The following GPC5 variants were observed in gnomAD, a reference collection of about 807,000 sequenced individuals.
The protein encoded by GPC5 is glypican 5.
GPC5 carries 47 observed loss-of-function variants against 53.9 expected under a neutral mutation model. That is an observed-to-expected ratio of 0.87 (90% CI 0.69 to 1.11). The LOEUF is 1.11. Among genes scored for constraint, GPC5 ranks in the 50% most tolerant of loss-of-function variants. The pLI, the probability that GPC5 is intolerant of heterozygous loss-of-function variation, is 0.00. For synonymous variants in GPC5, 286 were observed against 263.3 expected (o/e 1.09, Z -0.84); for missense variants, 748 against 713.1 (o/e 1.05, Z -0.56).
chr13:92,251,444 G>A (rs1420451508), intron 7 of GPC5, among the ~76,000 whole-genome samples: 8 of 152,062 alleles, frequency 5.3e-5, no homozygotes, highest in Non-Finnish European at 1.2e-4. Flanking sequence ...AGAAGATGCT[G>A]GGGTTTGTGG....
At chr13:91,473,825 T>C (rs1217150520) in intron 2 of GPC5, among the ~76,000 whole-genome samples, 1 of 152,184 alleles carries the variant, frequency 6.6e-6, no homozygotes, top group African/African-American at 2.4e-5. Flanking sequence ...GGAAAAATAG[T>C]GTTTTTCTTC....
intron 7 of GPC5, among the ~76,000 whole-genome samples, chr13:92,301,031 A>T (rs1021628198): frequency 2.6e-5 from 4 of 152,234 alleles, no homozygotes; most frequent in Non-Finnish European, 2.9e-5. Context: ...CTCCTATTGA[A>T]GTAACAGAGT....
At chr13:92,679,930 G>A (rs1330506982) in intron 7 of GPC5, among the ~76,000 whole-genome samples, 3 of 118,602 alleles carry the variant, frequency 2.5e-5, no homozygotes, top group African/African-American at 3.4e-5. Flanking sequence ...GAACACTTTA[G>A]TGACCTCCAT....
chr13:91,685,104 C>T lies in GPC5; in HGVS notation c.326-8083C>T, dbSNP rs193249941. On this transcript the variant is annotated intron_variant, in intron 2 of 7. Coordinates refer to ENST00000377067, the MANE Select transcript of GPC5 (RefSeq NM_004466.6). ...AAATGGCCAATCTCAGCCTGGGCAA[C>T]GTAGAGACACTGTCTCTACAAACAA... Among the ~76,000 whole-genome samples, 13 of 152,080 alleles carry T rather than the reference C, an allele frequency of 8.5e-5. No homozygotes were observed. In the East Asian group the frequency reaches 1.7e-3, roughly 20 times the overall value.
At position 92,043,305 on chromosome 13, in the gene GPC5, G is replaced by A. The variant is rs541251025; in HGVS notation, c.1402-101525G>A. Reference sequence around the variant, plus strand: ...TTGGGATGAGTTAGTATTGTTGTGTGTTATTCTCCAGCCACTTTCAGATAC... The same window carrying A: ...TTGGGATGAGTTAGTATTGTTGTGTATTATTCTCCAGCCACTTTCAGATAC... On this transcript the variant is annotated intron_variant, in intron 6 of 7. Coordinates refer to ENST00000377067, the MANE Select transcript of GPC5 (RefSeq NM_004466.6). 1.0e-3 allele frequency among the ~76,000 whole-genome samples: 152 copies of A among 152,276 alleles called. 1 individual carries two copies. In the Middle Eastern group the frequency reaches 0.034, roughly 34 times the overall value.
At chr13:91,489,142 C>T (rs149885160) in intron 2 of GPC5, among the ~76,000 whole-genome samples, 1,636 of 152,264 alleles carry the variant, frequency 0.011, 42 homozygotes, top group African/African-American at 0.038. Context: ...AATTTTGCCC[C>T]GGTCCTGTGA....
chr13:91,585,636 A>ATT (rs2032534976), intron 2 of GPC5, among the ~76,000 whole-genome samples: 1 of 152,152 alleles, frequency 6.6e-6, no homozygotes, highest in Non-Finnish European at 1.5e-5. Context: ...TGGGGGGTGG[A>ATT]GGGAGCAGCT....
intron 6 of GPC5, among the ~76,000 whole-genome samples, chr13:91,952,240 T>G (rs923507105): frequency 6.6e-6 from 1 of 152,020 alleles, no homozygotes; most frequent in African/African-American, 2.4e-5. Flanking sequence ...CTCCAGGCAC[T>G]GCAGTGGTTA....
chr13:92,152,997 C>T (rs1267927906), intron 7 of GPC5, among the ~76,000 whole-genome samples: 1 of 152,116 alleles, frequency 6.6e-6, no homozygotes, highest in Non-Finnish European at 1.5e-5. Context: ...TTAAATAATA[C>T]TTGTTTTTTC....
chr13:91,541,669 T>C (rs559729822), intron 2 of GPC5, among the ~76,000 whole-genome samples: 2 of 152,256 alleles, frequency 1.3e-5, no homozygotes, highest in East Asian at 3.9e-4. Context: ...ACAGGTAGTT[T>C]GTTAAATTCA....
intron 6 of GPC5, among the ~76,000 whole-genome samples, chr13:92,026,799 G>A (rs1020211334): frequency 1.3e-5 from 2 of 152,054 alleles, no homozygotes; most frequent in Admixed American, 6.6e-5. Flanking sequence ...ATTTTCGGAG[G>A]TGAAATAGGA....
At chr13:92,852,291 G>T (rs904436382) in intron 7 of GPC5, among the ~76,000 whole-genome samples, 1 of 152,174 alleles carries the variant, frequency 6.6e-6, no homozygotes, top group African/African-American at 2.4e-5. Context: ...AGCAACTGTG[G>T]TTGTGTTGGG....
chr13:91,917,946 T>C (rs934680128), intron 6 of GPC5, among the ~76,000 whole-genome samples: 2 of 152,228 alleles, frequency 1.3e-5, no homozygotes, highest in African/African-American at 2.4e-5. Flanking sequence ...TTCGGGTATA[T>C]CTTTACAGCA....
intron 6 of GPC5, among the ~76,000 whole-genome samples, chr13:92,103,596 C>T (rs2041483608): frequency 6.6e-6 from 1 of 152,130 alleles, no homozygotes; most frequent in African/African-American, 2.4e-5. Flanking sequence ...CAGAGTATTT[C>T]CCCTAGAAAC....
At chr13:92,410,570 A>T (rs12584626) in intron 7 of GPC5, among the ~76,000 whole-genome samples, 6,597 of 152,262 alleles carry the variant, frequency 0.043, 201 homozygotes, top group East Asian at 0.16. Context: ...AGTTCAAAGG[A>T]AAAACAACTA....
At chr13:92,203,692 C>T (rs997982606) in intron 7 of GPC5, among the ~76,000 whole-genome samples, 20 of 149,176 alleles carry the variant, frequency 1.3e-4, no homozygotes, top group African/African-American at 4.7e-4. Context: ...TAATCTCTAG[C>T]AATTGATTAT....
intron 6 of GPC5, among the ~76,000 whole-genome samples, chr13:92,046,451 T>C (rs2040982792): frequency 6.6e-6 from 1 of 152,198 alleles, no homozygotes; most frequent in African/African-American, 2.4e-5. Context: ...TTCAATTGGA[T>C]ACTATATGAA....
intron 5 of GPC5, among the ~76,000 whole-genome samples, chr13:91,867,978 C>G (rs1489454306): frequency 6.6e-6 from 1 of 151,854 alleles, no homozygotes; most frequent in African/African-American, 2.4e-5. Context: ...AAATTGTAAG[C>G]TCTTAAATGA....
intron 5 of GPC5, among the ~76,000 whole-genome samples, chr13:91,760,644 C>A (rs1045806301): frequency 6.6e-6 from 1 of 152,092 alleles, no homozygotes; most frequent in Non-Finnish European, 1.5e-5. Context: ...TCTTCTCCTG[C>A]AGGCATTTTT....
Sources: gnomAD v4.1 joint callset for allele counts (sites outside exome capture counted in the v4.1 genomes callset) on GRCh38, gnomAD v4.1.1 for gene constraint, MANE v1.5 for transcripts, NCBI Gene and HGNC (gene_info 2026-07-23, HGNC 2026-07-21) for gene names.